The following SPMIP11 variants were observed in gnomAD, a reference collection of about 807,000 sequenced individuals.
SPMIP11 encodes the protein sperm microtubule inner protein 11.
chr12:48,769,762 T>G, the SPMIP11 span, among the ~76,000 whole-genome samples: 1 of 148,482 alleles, frequency 6.7e-6, no homozygotes, highest in East Asian at 2.0e-4. Flanking sequence ...AATTTTTGTT[T>G]TTTTTTTTTT....
chr12:48,754,477 G>A, the SPMIP11 span, among the ~76,000 whole-genome samples: 1 of 151,902 alleles, frequency 6.6e-6, no homozygotes, highest in African/African-American at 2.4e-5. Flanking sequence ...TTTAGACGGA[G>A]TCTCGCTCTG....
the SPMIP11 span, among the ~76,000 whole-genome samples, chr12:48,730,453 T>C: frequency 2.6e-5 from 4 of 152,150 alleles, no homozygotes; most frequent in Non-Finnish European, 5.9e-5. Flanking sequence ...TCGCAAAATA[T>C]GGACAAAGGA....
At chr12:48,728,078 A>C in the SPMIP11 span, among the ~76,000 whole-genome samples, 92 of 152,232 alleles carry the variant, frequency 6.0e-4, no homozygotes, top group African/African-American at 2.2e-3. Context: ...CAATTTGTTC[A>C]ACCAAATAAG....
the SPMIP11 span, among the ~76,000 whole-genome samples, chr12:48,742,278 C>CTTTTTT: frequency 7.4e-6 from 1 of 135,926 alleles, no homozygotes; most frequent in African/African-American, 2.9e-5. Context: ...TTTTCTTTTC[C>CTTTTTT]TTTTTTTTTT....
At chr12:48,739,895 A>C in the SPMIP11 span, among the ~76,000 whole-genome samples, 1 of 152,208 alleles carries the variant, frequency 6.6e-6, no homozygotes, top group Non-Finnish European at 1.5e-5. Context: ...TCCTCAGATG[A>C]ATTAGCTCAA....
the SPMIP11 span, among the ~76,000 whole-genome samples, chr12:48,770,428 A>T: frequency 3.3e-5 from 5 of 152,312 alleles, no homozygotes; most frequent in South Asian, 1.0e-3. Context: ...GTCACAGATA[A>T]GGACAGAAGT....
At chr12:48,762,014 T>C in the SPMIP11 span, among the ~76,000 whole-genome samples, 15 of 149,546 alleles carry the variant, frequency 1.0e-4, no homozygotes, top group South Asian at 3.0e-3. Flanking sequence ...AATACTCTTA[T>C]ATGACATTCT....
the SPMIP11 span, among the ~76,000 whole-genome samples, chr12:48,738,187 A>T: frequency 3.9e-5 from 6 of 152,148 alleles, no homozygotes; most frequent in Non-Finnish European, 2.9e-5. Flanking sequence ...CCTTAATTTT[A>T]TCTTGCAACC....
At chr12:48,757,927 G>A in the SPMIP11 span, among the ~76,000 whole-genome samples, 2 of 151,964 alleles carry the variant, frequency 1.3e-5, no homozygotes, top group Admixed American at 6.6e-5. Context: ...CCGGCAGATA[G>A]ATGTTGCAGT....
At chr12:48,746,076 C>A in the SPMIP11 span, among the ~76,000 whole-genome samples, 1 of 152,070 alleles carries the variant, frequency 6.6e-6, no homozygotes, top group Non-Finnish European at 1.5e-5. Flanking sequence ...TTAACACAGA[C>A]AATAAAACTA....
the SPMIP11 span, among the ~76,000 whole-genome samples, chr12:48,760,308 G>A: frequency 6.6e-6 from 1 of 151,872 alleles, no homozygotes; most frequent in African/African-American, 2.4e-5. Context: ...TGAGTAGCTG[G>A]GACTACAGGC....
the SPMIP11 span, among the ~76,000 whole-genome samples, chr12:48,731,848 T>G: frequency 2.9e-4 from 44 of 152,256 alleles, no homozygotes; most frequent in African/African-American, 1.0e-3. Flanking sequence ...TTGTTTCCTG[T>G]GTTTAAAACT....
the SPMIP11 span, among the ~76,000 whole-genome samples, chr12:48,728,707 CAAAAAAAAAA>C: frequency 7.0e-5 from 5 of 70,970 alleles, no homozygotes; most frequent in Non-Finnish European, 1.0e-4. Context: ...GACTCTGTCT[CAAAAAAAAAA>C]AAAAAAAAAA....
the SPMIP11 span, among the ~76,000 whole-genome samples, chr12:48,757,013 T>C: frequency 6.6e-6 from 1 of 152,056 alleles, no homozygotes; most frequent in Non-Finnish European, 1.5e-5. Flanking sequence ...TGACCTCAGG[T>C]GATCCATCCT....
the SPMIP11 span, among the ~76,000 whole-genome samples, chr12:48,744,733 T>C: frequency 4.7e-3 from 550 of 116,184 alleles, 18 homozygotes; most frequent in Admixed American, 0.053. Context: ...ATAATAATAA[T>C]AATAATAAAG....
At chr12:48,759,228 T>C in the SPMIP11 span, 1 of 702,958 alleles carries the variant, frequency 1.4e-6, no homozygotes, top group South Asian at 1.5e-5. Flanking sequence ...AACCAGAGCC[T>C]ACTAGGCTTC....
chr12:48,747,537 G>C, the SPMIP11 span, among the ~76,000 whole-genome samples: 1 of 152,144 alleles, frequency 6.6e-6, no homozygotes, highest in African/African-American at 2.4e-5. Flanking sequence ...TAATAGTGCA[G>C]ACCCTAACAT....
At chr12:48,728,625 G>A in the SPMIP11 span, among the ~76,000 whole-genome samples, 9 of 149,520 alleles carry the variant, frequency 6.0e-5, no homozygotes, top group Non-Finnish European at 1.3e-4. Flanking sequence ...GGAGAATGGT[G>A]TGAACCCGGG....
the SPMIP11 span, among the ~76,000 whole-genome samples, chr12:48,738,660 G>A: frequency 5.3e-5 from 8 of 151,190 alleles, no homozygotes; most frequent in African/African-American, 1.7e-4. Flanking sequence ...TCAGCCTCCC[G>A]AGTAGCTGGG....
Sources: allele counts gnomAD v4.1 joint callset (sites outside exome capture counted in the v4.1 genomes callset), GRCh38; gene constraint gnomAD v4.1.1; transcripts MANE v1.5; gene names NCBI Gene and HGNC (gene_info 2026-07-23, HGNC 2026-07-21).